Variants in COBL observed in about 807,000 individuals in gnomAD.
COBL encodes cordon-bleu WH2 repeat protein, also known as protein cordon-bleu.
A neutral mutation model predicts 98.8 loss-of-function variants in COBL; 51 were observed. That is an observed-to-expected ratio of 0.52 (90% CI 0.41 to 0.65). COBL has a LOEUF of 0.65. Among genes scored for constraint, COBL ranks in the 30% least tolerant of loss-of-function variants. COBL has a pLI of 0.00. For synonymous variants in COBL, 634 were observed against 651.7 expected, an observed-to-expected ratio of 0.97 and a Z score of 0.41; for missense variants, 1,617 against 1,617.5, an observed-to-expected ratio of 1.00 and a Z score of 0.01.
chr7:51,050,430 TCTCA>T (rs1247238320), intron 7 of COBL, among the ~76,000 whole-genome samples: 19 of 152,192 alleles, frequency 1.2e-4, no homozygotes. Flanking sequence ...TGCCCACCAC[TCTCA>T]CTCTGTTTGT....
At chr7:51,265,589 C>T (rs1027604312) in intron 1 of COBL, among the ~76,000 whole-genome samples, 2 of 152,198 alleles carry the variant, frequency 1.3e-5, no homozygotes, top group Admixed American at 6.5e-5. Context: ...GCCCCTCAGC[C>T]AGGGCCACCC....
At chr7:51,233,834 A>G (rs1186472528) in intron 1 of COBL, among the ~76,000 whole-genome samples, 2 of 152,208 alleles carry the variant, frequency 1.3e-5, no homozygotes, top group Non-Finnish European at 2.9e-5. Context: ...GTTTTTGACT[A>G]CTTCGTTGCA....
intron 5 of COBL, among the ~76,000 whole-genome samples, chr7:51,162,026 A>G (rs988470774): frequency 2.6e-5 from 4 of 152,168 alleles, no homozygotes; most frequent in African/African-American, 9.7e-5. Flanking sequence ...ACAGTTTATC[A>G]CTGCTGTTTG....
chr7:51,113,383 T>C (rs1390670075), intron 6 of COBL, among the ~76,000 whole-genome samples: 4 of 152,238 alleles, frequency 2.6e-5, no homozygotes, highest in Admixed American at 1.3e-4. Context: ...ATGGCTATTG[T>C]TTATAAAGTG....
chr7:51,268,082 T>C (rs998879428), intron 1 of COBL, among the ~76,000 whole-genome samples: 2 of 152,148 alleles, frequency 1.3e-5, no homozygotes, highest in African/African-American at 4.8e-5. Context: ...TCCTCCCTCC[T>C]GCCCTGCAGG....
At chr7:51,273,325 C>T (rs1404829592) in intron 1 of COBL, among the ~76,000 whole-genome samples, 30 of 124,838 alleles carry the variant, frequency 2.4e-4, no homozygotes, top group African/African-American at 1.0e-3. Flanking sequence ...AAGACTCCAT[C>T]TCAAAAAAAA....
chr7:51,086,358 GAAAAA>G (rs57609497), intron 6 of COBL, among the ~76,000 whole-genome samples: 2 of 74,830 alleles, frequency 2.7e-5, no homozygotes, highest in African/African-American at 1.0e-4. Context: ...CTGTGTCTCA[GAAAAA>G]AAAAAAAAAA....
chr7:51,121,903 C>T (rs551344760), intron 6 of COBL, among the ~76,000 whole-genome samples: 14 of 152,302 alleles, frequency 9.2e-5, no homozygotes, highest in African/African-American at 2.9e-4. Flanking sequence ...TGACTGTTGA[C>T]GTGACTGACA....
intron 6 of COBL, among the ~76,000 whole-genome samples, chr7:51,115,368 T>G (rs1797183959): frequency 6.6e-6 from 1 of 152,102 alleles, no homozygotes; most frequent in African/African-American, 2.4e-5. Context: ...TCTTAAGTCT[T>G]TGATTCTTAA....
At chr7:51,305,047 G>A (rs1220843613) in intron 1 of COBL, among the ~76,000 whole-genome samples, 2 of 152,166 alleles carry the variant, frequency 1.3e-5, no homozygotes, top group Non-Finnish European at 2.9e-5. Context: ...GTAATACAAG[G>A]GCCAGTCCCT....
chr7:51,215,532 T>C (rs1792949224), intron 2 of COBL, among the ~76,000 whole-genome samples: 1 of 152,216 alleles, frequency 6.6e-6, no homozygotes, highest in Admixed American at 6.5e-5. Flanking sequence ...CTAGCTCAGG[T>C]TACCAAAGTG....
rs150254167 is a variant in COBL at position 51,154,817 on chromosome 7, A to AT, written c.784-18487dup. Among the ~76,000 whole-genome samples the AT allele has an allele frequency of 1.1e-3, 162 of 152,200 alleles. 1 individual carries two copies. Among genetic ancestry groups the AT allele is most frequent in the African/African-American group, 3.7e-3 (153 of 41,530 alleles). ...CAGGCCATCTGCTTCAGCATTCACCATTTTCCTTTTTCCGTGTGTAACTTT... is the reference window on the plus strand; with the variant it reads ...CAGGCCATCTGCTTCAGCATTCACCATTTTTCCTTTTTCCGTGTGTAACTTT... On this transcript the variant is annotated intron_variant, in intron 5 of 12. Transcript: ENST00000265136.
At chr7:51,288,533 A>G (rs1800586565) in intron 1 of COBL, among the ~76,000 whole-genome samples, 2 of 151,904 alleles carry the variant, frequency 1.3e-5, no homozygotes, top group Admixed American at 1.3e-4. Flanking sequence ...CAGGTGGCTC[A>G]CCTGAGGTCA....
chr7:51,273,589 T>C (rs1057142920), intron 1 of COBL, among the ~76,000 whole-genome samples: 1 of 152,172 alleles, frequency 6.6e-6, no homozygotes, highest in African/African-American at 2.4e-5. Flanking sequence ...CTTCTGCCGT[T>C]AGACTGAAAA....
At chr7:51,072,078 T>C (rs761517131) in intron 7 of COBL, 1 of 152,208 alleles carries the variant, frequency 6.6e-6, no homozygotes, top group Non-Finnish European at 1.5e-5. Context: ...CCTTCATTAG[T>C]CATAGCTAAC....
chr7:51,164,649 G>C (rs994863299), intron 5 of COBL, among the ~76,000 whole-genome samples: 3 of 152,128 alleles, frequency 2.0e-5, no homozygotes, highest in Non-Finnish European at 4.4e-5. Flanking sequence ...ACATTAATGA[G>C]CAATAAGTAA....
intron 7 of COBL, among the ~76,000 whole-genome samples, chr7:51,068,785 C>T (rs1254708465): frequency 6.6e-6 from 1 of 152,188 alleles, no homozygotes; most frequent in East Asian, 1.9e-4. Flanking sequence ...CAGAAATCCC[C>T]ATCAATGTTC....
intron 5 of COBL, among the ~76,000 whole-genome samples, chr7:51,178,141 ACT>A (rs150897899): frequency 0.069 from 10,482 of 150,990 alleles, 412 homozygotes; most frequent in Middle Eastern, 0.14. Flanking sequence ...AGTGAAACAC[ACT>A]CTCTCACTCT....
chr7:51,294,197 A>C (rs1168289082), intron 1 of COBL, among the ~76,000 whole-genome samples: 1 of 151,520 alleles, frequency 6.6e-6, no homozygotes, highest in Non-Finnish European at 1.5e-5. Flanking sequence ...AGGCTGAGGC[A>C]GGAGAATCAC....
Sources: allele counts gnomAD v4.1 joint callset (sites outside exome capture counted in the v4.1 genomes callset), GRCh38; gene constraint gnomAD v4.1.1; transcripts MANE v1.5; gene names NCBI Gene and HGNC (gene_info 2026-07-23, HGNC 2026-07-21).